SLC14A2: variants seen among roughly 807,000 people sequenced by gnomAD.
SLC14A2 encodes solute carrier family 14 member 2.
A neutral mutation model predicts 104.6 loss-of-function variants in SLC14A2; 91 were observed. The observed-to-expected ratio is 0.87, with a 90% CI of 0.73 to 1.04. SLC14A2 has a LOEUF of 1.04. Among genes scored for constraint, SLC14A2 ranks in the 50% least tolerant of loss-of-function variants. The pLI is 0.00. For missense variants in SLC14A2, 1,189 were observed against 1,156.0 expected, an observed-to-expected ratio of 1.03 and a Z score of -0.41; for synonymous variants, 476 against 466.4, an observed-to-expected ratio of 1.02 and a Z score of -0.27.
intron 2 of SLC14A2, among the ~76,000 whole-genome samples, chr18:45,513,021 T>C (rs1216282982): frequency 6.6e-6 from 1 of 152,188 alleles, no homozygotes; most frequent in African/African-American, 2.4e-5. Context: ...CCCCAGAAAC[T>C]TACTATTAGC....
intron 1 of SLC14A2, among the ~76,000 whole-genome samples, chr18:45,405,243 T>A (rs2086140840): frequency 1.3e-5 from 2 of 152,126 alleles, no homozygotes; most frequent in Admixed American, 6.5e-5. Context: ...GGACCATCTT[T>A]GGAGTTCTGA....
intron 19 of SLC14A2, among the ~76,000 whole-genome samples, chr18:45,680,031 T>TA (rs1230594328): frequency 6.6e-6 from 1 of 152,176 alleles, no homozygotes; most frequent in Admixed American, 6.5e-5. Context: ...GCTCAAGCAA[T>TA]ACTGGATGAA....
intron 1 of SLC14A2, among the ~76,000 whole-genome samples, chr18:45,409,564 G>A (rs79089909): frequency 0.034 from 5,191 of 152,188 alleles, 298 homozygotes; most frequent in African/African-American, 0.12. Context: ...ACAGAAAACC[G>A]TAAAGTTTCA....
intron 2 of SLC14A2, among the ~76,000 whole-genome samples, chr18:45,533,707 G>A (rs367680315): frequency 6.6e-6 from 1 of 152,042 alleles, no homozygotes; most frequent in African/African-American, 2.4e-5. Context: ...CTTCAGTTCT[G>A]CTCTGATCTT....
At chr18:45,504,457 C>A (rs1196221758) in intron 2 of SLC14A2, among the ~76,000 whole-genome samples, 1 of 152,202 alleles carries the variant, frequency 6.6e-6, no homozygotes, top group Admixed American at 6.5e-5. Flanking sequence ...ACATAGTAGC[C>A]ATACTGTGGG....
chr18:45,681,824 G>A (rs1021783893), intron 19 of SLC14A2, among the ~76,000 whole-genome samples: 1 of 152,232 alleles, frequency 6.6e-6, no homozygotes, highest in Non-Finnish European at 1.5e-5. Flanking sequence ...TGTTGGCAGC[G>A]GGCACTTTCA....
chr18:45,449,893 C>T (rs1478426218), intron 1 of SLC14A2, among the ~76,000 whole-genome samples: 1 of 152,096 alleles, frequency 6.6e-6, no homozygotes, highest in Non-Finnish European at 1.5e-5. Flanking sequence ...ATGTGTGCTC[C>T]AGCCTCATGC....
intron 1 of SLC14A2, among the ~76,000 whole-genome samples, chr18:45,374,130 C>T (rs144008467): frequency 7.6e-4 from 115 of 152,260 alleles, no homozygotes; most frequent in African/African-American, 2.4e-3. Context: ...CACTGCTGAC[C>T]TTCACCTGGC....
chr18:45,408,238 T>A (rs570502013), intron 1 of SLC14A2, among the ~76,000 whole-genome samples: 4 of 152,198 alleles, frequency 2.6e-5, no homozygotes, highest in African/African-American at 9.6e-5. Flanking sequence ...TAACCACCAC[T>A]GAGATCATTT....
chr18:45,533,047 C>A (rs1020470251), intron 2 of SLC14A2, among the ~76,000 whole-genome samples: 13 of 152,160 alleles, frequency 8.5e-5, no homozygotes, highest in Admixed American at 6.5e-5. Context: ...AGGGATGAAG[C>A]CCACTTGATC....
chr18:45,668,138 A>C, intron 14 of SLC14A2, 116 bp downstream of exon 14: 1 of 1,166,566 alleles, frequency 8.6e-7, no homozygotes. Flanking sequence ...ACAACTAAAA[A>C]TGACTGTTCC....
chr18:45,273,882 G>A (rs535234240), intron 1 of SLC14A2, among the ~76,000 whole-genome samples: 11 of 152,268 alleles, frequency 7.2e-5, no homozygotes, highest in African/African-American at 2.6e-4. Context: ...GTATTGAAGG[G>A]TGAAGAAAAT....
At chr18:45,600,657 G>C (rs999727078) in intron 2 of SLC14A2, among the ~76,000 whole-genome samples, 3 of 152,114 alleles carry the variant, frequency 2.0e-5, no homozygotes, top group Non-Finnish European at 4.4e-5. Context: ...GAAGAGGCTG[G>C]GCAGGTCCTT....
intron 1 of SLC14A2, among the ~76,000 whole-genome samples, chr18:45,246,210 C>T (rs1037038830): frequency 1.4e-4 from 22 of 152,114 alleles, no homozygotes; most frequent in African/African-American, 5.3e-4. Context: ...CACGTGAGAA[C>T]ACAATGAGAA....
Position 45,304,405 on chromosome 18 carries a change from A to G in SLC14A2, c.-125+91214A>G, listed in dbSNP as rs144670132. The stretch of plus-strand genomic sequence containing the variant: ...AAGGATTCTGCTTTGTGCTGTGGCC[A>G]GCAATGCGGTTTTGTTTTTGTCTCT... On this transcript the variant is annotated intron_variant, in intron 1 of 20. Coordinates refer to the SLC14A2 transcript ENST00000586448. 1.0e-3 allele frequency among the ~76,000 whole-genome samples: 156 copies of G among 152,326 alleles called. 1 individual carries two copies. Among genetic ancestry groups the G allele is most frequent in the African/African-American group, 3.6e-3 (151 of 41,588 alleles).
intron 2 of SLC14A2, among the ~76,000 whole-genome samples, chr18:45,488,974 C>T (rs1055609262): frequency 6.6e-6 from 1 of 152,140 alleles, no homozygotes; most frequent in Non-Finnish European, 1.5e-5. Flanking sequence ...GGCTGCAAAG[C>T]CTAAAGGACA....
the SLC14A2 span, among the ~76,000 whole-genome samples, chr18:45,183,536 C>T: frequency 1.3e-5 from 2 of 152,150 alleles, no homozygotes; most frequent in Non-Finnish European, 2.9e-5. Flanking sequence ...AAATATTTCC[C>T]ATTAGCTTTG....
intron 2 of SLC14A2, chr18:45,550,307 A>G (rs543714217): frequency 6.6e-5 from 10 of 152,310 alleles, no homozygotes; most frequent in African/African-American, 2.2e-4. Flanking sequence ...CTAGCCACAC[A>G]GAACCATGGC....
chr18:45,587,293 A>G (rs2044580977), intron 2 of SLC14A2, among the ~76,000 whole-genome samples: 1 of 152,188 alleles, frequency 6.6e-6, no homozygotes, highest in East Asian at 1.9e-4. Flanking sequence ...ATGCACTCAC[A>G]AACTCAGTAT....
Sources: allele counts gnomAD v4.1 joint callset (sites outside exome capture counted in the v4.1 genomes callset), GRCh38; gene constraint gnomAD v4.1.1; transcripts MANE v1.5; gene names NCBI Gene and HGNC (gene_info 2026-07-23, HGNC 2026-07-21).